Variants in NDUFS7 observed in about 807,000 individuals in gnomAD.
NDUFS7 encodes NADH:ubiquinone oxidoreductase core subunit S7.
In NDUFS7, 11 loss-of-function variants were observed where a neutral mutation model predicts 31.1. The observed-to-expected ratio is 0.35, with a 90% CI of 0.22 to 0.59. The LOEUF is 0.59. Among genes scored for constraint, NDUFS7 ranks in the 20% least tolerant of loss-of-function variants. NDUFS7 has a pLI of 0.79. For synonymous variants in NDUFS7, 136 were observed against 127.9 expected, an observed-to-expected ratio of 1.06 and a Z score of -0.43; for missense variants, 263 against 324.2, an observed-to-expected ratio of 0.81 and a Z score of 1.45.
intron 1 of NDUFS7, 63 bp downstream of exon 1, chr19:1,384,005 TGTCGTGGTGGCGTCGGGG>T (rs2082491336): frequency 6.6e-7 from 1 of 1,518,106 alleles, no homozygotes; most frequent in East Asian, 2.6e-5. Flanking sequence ...GAGCCTCGGG[TGTCGTGGTGGCGTCGGGG>T]GTCGGTGCCG....
At chr19:1,394,442 C>A in intron 7 of NDUFS7, 1 of 1,276,016 alleles carries the variant, frequency 7.8e-7, no homozygotes, top group Non-Finnish European at 1.0e-6. Context: ...TCCCTGGGGA[C>A]CGCGCTCCTC....
chr19:1,383,990 C>G (rs1453204749), intron 1 of NDUFS7, 48 bp downstream of exon 1: 12 of 1,539,108 alleles, frequency 7.8e-6, no homozygotes, highest in Non-Finnish European at 1.0e-5. Flanking sequence ...GGTCTGGGGC[C>G]GTGGGAGCCT....
chr19:1,387,436 C>T (rs1013729670), intron 1 of NDUFS7, among the ~76,000 whole-genome samples: 2 of 152,194 alleles, frequency 1.3e-5, no homozygotes, highest in Non-Finnish European at 2.9e-5. Flanking sequence ...AAGGGGCCAG[C>T]AGTGTGCAAG....
chr19:1,391,195 C>G, intron 6 of NDUFS7, 30 bp downstream of exon 6: 1 of 1,607,390 alleles, frequency 6.2e-7, no homozygotes, highest in Non-Finnish European at 8.5e-7. Context: ...TCTCCAGGGA[C>G]AGACGTAGCG....
chr19:1,384,737 A>G (rs1352802454), intron 1 of NDUFS7, among the ~76,000 whole-genome samples: 1 of 152,230 alleles, frequency 6.6e-6, no homozygotes, highest in African/African-American at 2.4e-5. Flanking sequence ...CATAGCTAGG[A>G]AACATCTGTG....
At chr19:1,389,179 GCACACACAAGCACATGTGCA>G in intron 4 of NDUFS7, 1 of 692,394 alleles carries the variant, frequency 1.4e-6, no homozygotes, top group Non-Finnish European at 2.6e-6. Flanking sequence ...GCACACACAT[GCACACACAAGCACATGTGCA>G]CACACGCTTG....
chr19:1,390,779 G>A, intron 4 of NDUFS7, 92 bp from the exon 5 acceptor site: 2 of 1,441,826 alleles, frequency 1.4e-6, no homozygotes, highest in Non-Finnish European at 1.9e-6. Context: ...CCCGGGACAT[G>A]AGTCGGGGGT....
rs776254971 is a variant in NDUFS7, at chr19:1,388,873, A to G, written c.163A>G (p.Lys55Glu). Residue 55 changes from lysine to glutamate, a missense_variant, in exon 4 of 8, where the codon AAA (lysine) becomes GAA (glutamate). Lys to Glu is a moderately conservative substitution (Grantham distance 56). Coordinates refer to ENST00000233627, the MANE Select transcript of NDUFS7 (RefSeq NM_024407.5). Reference protein sequence around the residue: ...ALPKARAVAPKPSSRGEYVVA... With the variant: ...ALPKARAVAPEPSSRGEYVVA... ...GCCAAAGGCCAGAGCCGTGGCTCCCAAACCCAGCAGCCGGGGCGAGTATGT... is the reference window on the plus strand; with the variant it reads ...GCCAAAGGCCAGAGCCGTGGCTCCCGAACCCAGCAGCCGGGGCGAGTATGT... 6.2e-7 allele frequency: 1 copy of G among 1,608,844 alleles called. No individual in the cohort carries two copies. The highest frequency in any genetic ancestry group is 1.1e-5 in the South Asian group (1 of 89,914).
chr19:1,388,428 C>T (rs995422447), intron 2 of NDUFS7, 97 bp from the exon 3 acceptor site: 11 of 1,141,202 alleles, frequency 9.6e-6, no homozygotes, highest in Middle Eastern at 2.8e-4. Flanking sequence ...AGAACAGTCT[C>T]GCAGCAGGGA....
Position 1,393,256 on chromosome 19 carries a change from G to T in NDUFS7, c.470G>T (p.Gly157Val). The T allele has an allele frequency of 6.3e-7, 1 of 1,575,594 alleles. No homozygotes were observed. The change falls in exon 7 of 8, where the codon GGA becomes GTA. Residue 157 changes from glycine to valine, a missense_variant. Gly to Val is a moderately radical substitution (Grantham distance 109). Coordinates refer to ENST00000233627, the MANE Select transcript of NDUFS7 (RefSeq NM_024407.5). The surrounding 1 kb of genome is among the most constrained non-coding windows in gnomAD (Gnocchi z 7.3). ...VVSMGSCANGGGYYHYSYSVV... is the reference protein window; with the variant it reads ...VVSMGSCANGVGYYHYSYSVV... ...CTCCCCAACAGCTGCGCCAACGGAG[G>T]AGGCTACTACCACTATTCCTACTCG...
chr19:1,386,677 A>G (rs1193982109), intron 1 of NDUFS7: 1 of 152,088 alleles, frequency 6.6e-6, no homozygotes, highest in Non-Finnish European at 1.5e-5. Flanking sequence ...TTGTATTTTT[A>G]GTAGAGACGG....
At position 1,393,273 on chromosome 19, in the gene NDUFS7, TC is replaced by T; in HGVS notation, c.489del (p.Tyr164ThrfsTer4). 6.3e-7 allele frequency: 1 copy of T among 1,586,082 alleles called. No homozygotes were observed. The highest frequency in any genetic ancestry group is 1.2e-5 in the South Asian group (1 of 86,674). ...CAACGGAGGAGGCTACTACCACTAT[TC>T]CTACTCGGTGGTGAGGGGCTGCGAC... Reference protein sequence around the residue: ...CANGGGYYHYSYSVVRGCDRI... With the variant: ...CANGGGYYHYXYSVVRGCDRI... On this transcript the variant is annotated frameshift_variant, in exon 7 of 8. Coordinates refer to ENST00000233627, the MANE Select transcript of NDUFS7 (RefSeq NM_024407.5). LOFTEE classifies it high-confidence loss of function. This position sits in a 1 kb window ranked among gnomAD's most constrained non-coding sequence, Gnocchi z 7.3.
chr19:1,386,948 A>AT (rs987416909), intron 1 of NDUFS7: 9 of 152,480 alleles, frequency 5.9e-5, no homozygotes, highest in African/African-American at 2.2e-4. Flanking sequence ...GTGAGCCAGG[A>AT]TTCCTGGCAC....
intron 4 of NDUFS7, 190 bp downstream of exon 4, chr19:1,389,128 G>T (rs146170283): frequency 1.4e-6 from 1 of 705,158 alleles, no homozygotes; most frequent in Non-Finnish European, 2.6e-6. Context: ...GCACACTCAC[G>T]CACACAATGC....
chr19:1,390,822 C>CTT (rs2082549896), intron 4 of NDUFS7, 49 bp from the exon 5 acceptor site: 1 of 1,586,766 alleles, frequency 6.3e-7, no homozygotes, highest in Admixed American at 1.7e-5. Context: ...TCACGCTGGG[C>CTT]CACGCGGGGC....
chr19:1,391,194 A>G (rs1289099392), intron 6 of NDUFS7, 29 bp downstream of exon 6: 2 of 1,607,996 alleles, frequency 1.2e-6, no homozygotes. Flanking sequence ...GTCTCCAGGG[A>G]CAGACGTAGC....
chr19:1,390,923 T>C lies in NDUFS7; in HGVS notation c.281T>C (p.Met94Thr). The C allele has an allele frequency of 6.2e-7, 1 of 1,612,186 alleles. No homozygotes were observed. Among genetic ancestry groups the C allele is most frequent in the Non-Finnish European group, 8.5e-7 (1 of 1,179,868 alleles). Residue 94 changes from methionine to threonine, a missense_variant, in exon 5 of 8, where the codon ATG (methionine) becomes ACG (threonine). Transcript: ENST00000233627. ...CTGGCCTGCTGCGCCGTGGAGATGA[T>C]GCACATGGCAGCACCCCGCTACGAC... ...FGLACCAVEM[M>T]HMAAPRYDMD...
At chr19:1,394,824 C>T in intron 7 of NDUFS7, 2 of 1,165,396 alleles carry the variant, frequency 1.7e-6, no homozygotes, top group Non-Finnish European at 2.1e-6. Flanking sequence ...TCCTGCTGTC[C>T]CCGTTGGGCC....
At chr19:1,392,986 A>C in intron 6 of NDUFS7, 1 of 572,368 alleles carries the variant, frequency 1.7e-6, no homozygotes, top group Non-Finnish European at 3.1e-6. Flanking sequence ...AGCCCCGGGA[A>C]TCGGTGGTCA....
Sources: gnomAD v4.1 joint callset for allele counts (sites outside exome capture counted in the v4.1 genomes callset) on GRCh38, gnomAD v4.1.1 for gene constraint, Gnocchi (gnomAD v3.1) non-coding constraint, MANE v1.5 for transcripts, NCBI Gene and HGNC (gene_info 2026-07-23, HGNC 2026-07-21) for gene names.